Variants in GLMN observed in about 807,000 individuals in gnomAD.
GLMN encodes glomulin.
A neutral mutation model predicts 87.8 loss-of-function variants in GLMN; 75 were observed. The ratio of observed to expected loss-of-function variants is 0.85; its 90% CI spans 0.71 to 1.04. The LOEUF (loss-of-function observed/expected upper bound fraction) is 1.04. GLMN is among the 50% of genes least tolerant of loss of function. The pLI is 0.00. For synonymous variants in GLMN, 206 were observed against 221.6 expected, an observed-to-expected ratio of 0.93 and a Z score of 0.63; for missense variants, 588 against 658.8, an observed-to-expected ratio of 0.89 and a Z score of 1.18.
chr1:92,309,906 G>T, the GLMN span, among the ~76,000 whole-genome samples: 2 of 152,184 alleles, frequency 1.3e-5, no homozygotes, highest in African/African-American at 4.8e-5. Context: ...GTATTGGGGA[G>T]CCATCAAATG....
intron 7 of GLMN, among the ~76,000 whole-genome samples, chr1:92,281,022 G>C (rs1336892377): frequency 6.6e-6 from 1 of 152,180 alleles, no homozygotes; most frequent in Non-Finnish European, 1.5e-5. Flanking sequence ...AGGGAGAATG[G>C]AACAAAGTTA....
chr1:92,261,781 C>T (rs1655069762), intron 16 of GLMN, among the ~76,000 whole-genome samples: 3 of 150,866 alleles, frequency 2.0e-5, no homozygotes, highest in East Asian at 3.9e-4. Context: ...AGTATGCTGA[C>T]GTCTGCAGTT....
intron 16 of GLMN, among the ~76,000 whole-genome samples, chr1:92,249,133 A>G (rs1244302180): frequency 6.6e-6 from 1 of 151,990 alleles, no homozygotes; most frequent in South Asian, 2.1e-4. Flanking sequence ...ATGGGAAAAA[A>G]GGTTATAAAA....
the GLMN span, chr1:92,323,933 A>G: frequency 1.2e-6 from 2 of 1,614,092 alleles, no homozygotes; most frequent in Admixed American, 1.7e-5. Context: ...GAGCATTTTA[A>G]GAGAAAATTT....
At chr1:92,248,043 T>C in intron 16 of GLMN, 54 bp from the exon 17 acceptor site, 1 of 797,054 alleles carries the variant, frequency 1.3e-6, no homozygotes, top group East Asian at 2.4e-5. Flanking sequence ...GATTGCCTAC[T>C]ATTAAACGCG....
At chr1:92,335,127 GT>G in the GLMN span, among the ~76,000 whole-genome samples, 527 of 152,282 alleles carry the variant, frequency 3.5e-3, 2 homozygotes, top group Non-Finnish European at 5.8e-3. Flanking sequence ...GTTCTCCATA[GT>G]GGGTGTACTA....
In GLMN at chr1:92,293,301, A is replaced by G. The variant is rs193281603; in HGVS notation, c.166-1764T>C. 5.0e-3 allele frequency among the ~76,000 whole-genome samples: 763 copies of G among 152,232 alleles called. 11 individuals are homozygous for G. In the South Asian group the frequency reaches 0.053, roughly 11 times the overall value. On this transcript the variant is annotated intron_variant, in intron 3 of 18. Coordinates refer to ENST00000370360, the MANE Select transcript of GLMN (RefSeq NM_053274.3). Reference sequence around the variant, plus strand: ...ATGGCTTATATACAAAAGACAGTCAATAACAAATGCTGGCAAGGATGTGGA... The same window carrying G: ...ATGGCTTATATACAAAAGACAGTCAGTAACAAATGCTGGCAAGGATGTGGA...
the GLMN span, among the ~76,000 whole-genome samples, chr1:92,326,432 G>A: frequency 1.3e-5 from 2 of 152,144 alleles, no homozygotes; most frequent in Non-Finnish European, 2.9e-5. Flanking sequence ...TTTTGTGCTG[G>A]TTAGCCTCCT....
intron 7 of GLMN, among the ~76,000 whole-genome samples, chr1:92,280,992 T>C (rs948550740): frequency 2.0e-5 from 3 of 152,198 alleles, no homozygotes; most frequent in Admixed American, 6.5e-5. Flanking sequence ...CTATGTTTGA[T>C]TGGTGCACCG....
chr1:92,285,792 T>C (rs1245962207), intron 7 of GLMN, among the ~76,000 whole-genome samples: 1 of 152,204 alleles, frequency 6.6e-6, no homozygotes, highest in Non-Finnish European at 1.5e-5. Flanking sequence ...ACTTTCTCTT[T>C]TGAAATTCAG....
chr1:92,318,451 C>T, the GLMN span, among the ~76,000 whole-genome samples: 2 of 152,180 alleles, frequency 1.3e-5, no homozygotes, highest in African/African-American at 4.8e-5. Flanking sequence ...CATTGTATCC[C>T]TTTGGCCCTG....
the GLMN span, among the ~76,000 whole-genome samples, chr1:92,313,646 G>A: frequency 2.0e-5 from 3 of 152,076 alleles, no homozygotes; most frequent in Non-Finnish European, 4.4e-5. Context: ...TACCAGCTAC[G>A]TTAGCCCCTA....
intron 7 of GLMN, among the ~76,000 whole-genome samples, chr1:92,281,814 G>C (rs3122325): frequency 0.47 from 71,611 of 151,074 alleles, 18,009 homozygotes; most frequent in East Asian, 0.96. Flanking sequence ...AAAAAGCAAG[G>C]GTTGCAATCC....
At chr1:92,280,021 C>A (rs1018129817) in intron 7 of GLMN, among the ~76,000 whole-genome samples, 2 of 152,242 alleles carry the variant, frequency 1.3e-5, no homozygotes, top group Non-Finnish European at 2.9e-5. Context: ...TAGATTCTAC[C>A]TCTGGGGACG....
Position 92,290,243 on chromosome 1 carries a change from GT to G in GLMN, c.348del (p.Lys116AsnfsTer17). 1 of 1,610,318 alleles carries G rather than the reference GT, an allele frequency of 6.2e-7. No homozygotes were observed. Among genetic ancestry groups the G allele is most frequent in the Non-Finnish European group, 8.5e-7 (1 of 1,176,826 alleles). On this transcript the variant is annotated frameshift_variant, in exon 5 of 19. Coordinates refer to ENST00000370360, the MANE Select transcript of GLMN (RefSeq NM_053274.3). LOFTEE classifies it high-confidence loss of function. ...LLELIEEPSG[K>X]QISQSILLLL... The stretch of plus-strand genomic sequence containing the variant: ...AAAAGAAGAATACTTTGGGATATCT[GT>G]TTTCCAGAGGGCTCTTCAATCAGTT...
At chr1:92,279,173 C>T (rs187918497) in intron 7 of GLMN, among the ~76,000 whole-genome samples, 34 of 152,180 alleles carry the variant, frequency 2.2e-4, no homozygotes, top group East Asian at 2.1e-3. Context: ...AATCACCTTG[C>T]GGCTGGGCAC....
the GLMN span, among the ~76,000 whole-genome samples, chr1:92,327,228 G>T: frequency 8.5e-5 from 13 of 152,188 alleles, no homozygotes; most frequent in Admixed American, 8.5e-4. Flanking sequence ...AACAGGTCTT[G>T]ATGACCTGTC....
the GLMN span, among the ~76,000 whole-genome samples, chr1:92,366,084 CA>C: frequency 6.6e-6 from 1 of 152,192 alleles, no homozygotes; most frequent in African/African-American, 2.4e-5. Context: ...AAAGAACTGG[CA>C]TTCAGGAGAA....
Position 92,271,515 on chromosome 1 carries a change from A to G in GLMN, c.873T>C (p.Tyr291=), listed in dbSNP as rs770868069. ...QLADSMASLA[Y]LVFVQGIHID... ...TATGGATGCCCTGTACAAATACTAG[A>G]TATGCCAGAGAAGCCATTGAGTCTG... The change falls in exon 8 of 19, where the codon TAT becomes TAC. Residue 291 remains tyrosine, a synonymous_variant. Transcript: ENST00000370360. 2 of 1,613,188 alleles carry G rather than the reference A, an allele frequency of 1.2e-6. No individual in the cohort carries two copies. Among genetic ancestry groups the G allele is most frequent in the Non-Finnish European group, 1.7e-6 (2 of 1,179,230 alleles).
Sources: gnomAD v4.1 joint callset for allele counts (sites outside exome capture counted in the v4.1 genomes callset) on GRCh38, gnomAD v4.1.1 for gene constraint, MANE v1.5 for transcripts, NCBI Gene and HGNC (gene_info 2026-07-23, HGNC 2026-07-21) for gene names.